SCFD2: variants seen among roughly 807,000 people sequenced by gnomAD.
The protein encoded by SCFD2 is sec1 family domain-containing protein 2.
Under a neutral mutation model 58.9 loss-of-function variants are expected in SCFD2, and 54 were observed. The observed-to-expected ratio is 0.92, with a 90% CI of 0.74 to 1.15. The LOEUF (loss-of-function observed/expected upper bound fraction) is 1.15. SCFD2 is among the 50% of genes most tolerant of loss of function. The probability of loss-of-function intolerance (pLI) is 0.00; values close to 1 mark genes in which losing one functional copy is unlikely to be tolerated. For missense variants in SCFD2, 805 were observed against 836.6 expected (o/e 0.96, Z 0.47); for synonymous variants, 321 against 335.9 (o/e 0.96, Z 0.49).
At chr4:53,327,979 A>C (rs185966392) in intron 2 of SCFD2, among the ~76,000 whole-genome samples, 9 of 151,972 alleles carry the variant, frequency 5.9e-5, no homozygotes, top group Admixed American at 3.9e-4. Flanking sequence ...AAATACAAAA[A>C]AAAGAAACAG....
At chr4:53,138,886 C>T (rs35275015) in intron 5 of SCFD2, among the ~76,000 whole-genome samples, 61,630 of 143,024 alleles carry the variant, frequency 0.43, 13,822 homozygotes, top group South Asian at 0.5. Context: ...CTCTCGTCTC[C>T]GTCTCCCCTT....
At chr4:52,974,878 C>T (rs1356910150) in intron 5 of SCFD2, among the ~76,000 whole-genome samples, 10 of 152,086 alleles carry the variant, frequency 6.6e-5, no homozygotes, top group Admixed American at 3.9e-4. Flanking sequence ...TATCTACAAC[C>T]ATCTGATCTT....
intron 5 of SCFD2, among the ~76,000 whole-genome samples, chr4:53,011,975 G>T (rs1722102622): frequency 6.8e-6 from 1 of 146,482 alleles, no homozygotes; most frequent in African/African-American, 2.5e-5. Flanking sequence ...TTGAGAATAA[G>T]TAATTTTGAA....
At chr4:53,287,779 A>G (rs936078278) in intron 3 of SCFD2, among the ~76,000 whole-genome samples, 32 of 152,346 alleles carry the variant, frequency 2.1e-4, no homozygotes, top group African/African-American at 6.7e-4. Flanking sequence ...AAGAAATTCA[A>G]AATAGTAATC....
At chr4:53,334,900 G>A (rs1733627088) in intron 2 of SCFD2, among the ~76,000 whole-genome samples, 1 of 152,044 alleles carries the variant, frequency 6.6e-6, no homozygotes, top group Non-Finnish European at 1.5e-5. Context: ...TCCACCTGAT[G>A]GGATGCAATA....
chr4:53,178,370 A>T (rs1222052374), intron 4 of SCFD2, among the ~76,000 whole-genome samples: 1 of 152,164 alleles, frequency 6.6e-6, no homozygotes, highest in Non-Finnish European at 1.5e-5. Flanking sequence ...GCCACCACTG[A>T]TGATACCCAG....
chr4:53,202,559 G>A (rs4394057), intron 4 of SCFD2, among the ~76,000 whole-genome samples: 68,403 of 151,818 alleles, frequency 0.45, 16,421 homozygotes, highest in Admixed American at 0.53. Flanking sequence ...CCAATTCTGT[G>A]TAGAAAGTCA....
In SCFD2 at chr4:53,140,395, AT is replaced by A. The variant is rs1560353841; in HGVS notation, c.1561+4937del. Among the ~76,000 whole-genome samples the A allele has an allele frequency of 3.4e-4, 47 of 139,032 alleles. 3 individuals are homozygous for A. The highest frequency in any genetic ancestry group is 1.0e-3 in the African/African-American group (38 of 37,126). 91.2% of individuals were successfully genotyped at this position (139,032 alleles called of 152,430 possible). ...TAAAAAGAACACCAAAAATGCTAAT[AT>A]ATATATATATATATATAAATTTTAA... On this transcript the variant is annotated intron_variant, in intron 5 of 8. Transcript: ENST00000401642.
chr4:53,197,916 G>A (rs1187993782), intron 4 of SCFD2, among the ~76,000 whole-genome samples: 1 of 151,926 alleles, frequency 6.6e-6, no homozygotes, highest in Non-Finnish European at 1.5e-5. Flanking sequence ...TATTTTCCAG[G>A]AATAAACCTT....
At chr4:53,300,461 G>C (rs1732238115) in intron 3 of SCFD2, among the ~76,000 whole-genome samples, 1 of 152,102 alleles carries the variant, frequency 6.6e-6, no homozygotes, top group South Asian at 2.1e-4. Context: ...AGTCCTTAGA[G>C]ACCTACAAAG....
At chr4:53,120,665 A>C (rs1725453980) in intron 5 of SCFD2, among the ~76,000 whole-genome samples, 1 of 152,158 alleles carries the variant, frequency 6.6e-6, no homozygotes, top group South Asian at 2.1e-4. Context: ...GGTTAGAGAG[A>C]CTGTCAGGCG....
intron 4 of SCFD2, among the ~76,000 whole-genome samples, chr4:53,198,584 T>C (rs1369129846): frequency 4.6e-5 from 7 of 152,040 alleles, no homozygotes; most frequent in Non-Finnish European, 1.0e-4. Flanking sequence ...GTCTTATTAT[T>C]ATACATTATA....
At chr4:52,992,296 C>T (rs1375608217) in intron 5 of SCFD2, among the ~76,000 whole-genome samples, 2 of 152,202 alleles carry the variant, frequency 1.3e-5, no homozygotes, top group East Asian at 1.9e-4. Flanking sequence ...CCTGAGGTGC[C>T]GGGATTGCAG....
At chr4:53,198,542 A>G (rs974809791) in intron 4 of SCFD2, among the ~76,000 whole-genome samples, 13 of 152,066 alleles carry the variant, frequency 8.5e-5, no homozygotes, top group African/African-American at 3.1e-4. Flanking sequence ...ATAAATTTTC[A>G]GTTTCAGTAC....
intron 4 of SCFD2, among the ~76,000 whole-genome samples, chr4:53,154,278 G>A (rs1004069803): frequency 6.6e-6 from 1 of 152,188 alleles, no homozygotes; most frequent in Admixed American, 6.5e-5. Flanking sequence ...ACAAGCATCT[G>A]CTCAGCTTCT....
At chr4:53,250,012 G>C (rs1201631289) in intron 4 of SCFD2, among the ~76,000 whole-genome samples, 1 of 152,242 alleles carries the variant, frequency 6.6e-6, no homozygotes, top group Non-Finnish European at 1.5e-5. Flanking sequence ...TGGCAAATTG[G>C]ATAAAGAGTC....
intron 3 of SCFD2, among the ~76,000 whole-genome samples, chr4:53,299,588 T>A (rs534659877): frequency 2.0e-5 from 3 of 151,670 alleles, no homozygotes; most frequent in Non-Finnish European, 4.4e-5. Context: ...ATTCAGGAAA[T>A]ACAGAGAATA....
intron 2 of SCFD2, among the ~76,000 whole-genome samples, chr4:53,349,558 G>A (rs1194093322): frequency 1.3e-5 from 2 of 152,206 alleles, no homozygotes; most frequent in Non-Finnish European, 2.9e-5. Flanking sequence ...ACCTGACCAA[G>A]AAGCCCTAAG....
intron 4 of SCFD2, among the ~76,000 whole-genome samples, chr4:53,202,582 T>C (rs1283512400): frequency 3.3e-5 from 5 of 152,178 alleles, no homozygotes; most frequent in Non-Finnish European, 5.9e-5. Context: ...GGTAGCTAGA[T>C]GGGGATGGCA....
Sources: gnomAD v4.1 joint callset for allele counts (sites outside exome capture counted in the v4.1 genomes callset) on GRCh38, gnomAD v4.1.1 for gene constraint, MANE v1.5 for transcripts, NCBI Gene and HGNC (gene_info 2026-07-23, HGNC 2026-07-21) for gene names.